The following TET2 variants were observed in gnomAD, a reference collection of about 807,000 sequenced individuals.
TET2 encodes tet methylcytosine dioxygenase 2.
Under a neutral mutation model 142.9 loss-of-function variants are expected in TET2, and 299 were observed. The ratio of observed to expected loss-of-function variants is 2.09; its 90% CI spans 1.90 to 2.30. The LOEUF (loss-of-function observed/expected upper bound fraction) is 2.30, where lower values mean the gene tolerates loss of function less well. Ranked by LOEUF, TET2 falls within the 30% of genes most tolerant of loss-of-function variation. The pLI, the probability that TET2 is intolerant of heterozygous loss-of-function variation, is 0.00. For synonymous variants in TET2, 819 were observed against 849.0 expected (o/e 0.96, Z 0.61); for missense variants, 2,418 against 2,378.0 (o/e 1.02, Z -0.35).
intron 9 of TET2, among the ~76,000 whole-genome samples, chr4:105,271,764 T>A (rs1414148960): frequency 6.6e-6 from 1 of 152,184 alleles, no homozygotes; most frequent in Non-Finnish European, 1.5e-5. Flanking sequence ...CCACAAATAA[T>A]CTTTTACCAA....
rs146523472 is a variant in TET2 at position 105,163,967 on chromosome 4, T to A, written c.-193+16988T>A. Reference sequence around the variant, plus strand: ...ATTTAAGAGATACAGTGTGATGTTTTAATATACATTGTGAAGTGATTATTA... The same window carrying A: ...ATTTAAGAGATACAGTGTGATGTTTAAATATACATTGTGAAGTGATTATTA... On this transcript the variant is annotated intron_variant, in intron 1 of 10. Coordinates refer to ENST00000380013, the MANE Select transcript of TET2 (RefSeq NM_001127208.3). Among the ~76,000 whole-genome samples, 12 of 152,178 alleles carry A rather than the reference T, an allele frequency of 7.9e-5. No individual in the cohort carries two copies. In the East Asian group the frequency reaches 2.3e-3, roughly 29 times the overall value.
In TET2 at chr4:105,162,719, C is replaced by A. The variant is rs1183627283; in HGVS notation, c.-193+15740C>A. Among the ~76,000 whole-genome samples the A allele has an allele frequency of 2.6e-5, 4 of 151,958 alleles. No individual in the cohort carries two copies. The East Asian group carries it at 7.7e-4, about 29-fold the overall frequency. ...ACAGTTGGAGCAAGAGCTGCATTTT[C>A]TTTTTTTTAAGTGTTTATTATTTAC... On this transcript the variant is annotated intron_variant, in intron 1 of 10. Transcript: ENST00000380013.
Position 105,272,513 on chromosome 4 carries a change from G to A in TET2, c.4183-51G>A, listed in dbSNP as rs1209043153. On this transcript the variant is annotated intron_variant, in intron 9 of 10. Coordinates refer to ENST00000380013, the MANE Select transcript of TET2 (RefSeq NM_001127208.3). ...GAGAAAGATACACACACACACACAC[G>A]TTTTCTTTGGGACCTGTAGTTGAGG... 19 of 1,265,354 alleles carry A rather than the reference G, an allele frequency of 1.5e-5. 1 individual carries two copies. The highest frequency in any genetic ancestry group is 2.8e-4 in the Middle Eastern group (1 of 3,604). The allele number at this position is 1,265,354 out of a possible 1,614,324, so 78.4% of individuals were successfully genotyped here.
At chr4:105,254,529 A>G (rs888437257) in intron 6 of TET2, among the ~76,000 whole-genome samples, 9 of 152,128 alleles carry the variant, frequency 5.9e-5, no homozygotes, top group Non-Finnish European at 4.4e-5. Flanking sequence ...TACCCACCTC[A>G]GCCTCCCAAG....
rs1490585886 is a variant in TET2, at chr4:105,278,557, TAATA to T, written c.*2043_*2046del. 4.3e-6 allele frequency: 1 copy of T among 231,732 alleles called. No homozygotes were observed. The highest frequency in any genetic ancestry group is 2.2e-5 in the African/African-American group (1 of 45,294). The allele number at this position is 231,732 out of a possible 1,614,324, so 14.4% of individuals were successfully genotyped here. A position where few individuals can be genotyped will look rare whatever the true frequency, so the allele number is the denominator to read the frequency against. Reference sequence around the variant, plus strand: ...GTGTTTATGTAAAATTGTTGTAGGTTAATAAATATATTCTTTGTCAGGGATTTAA... The same window carrying T: ...GTGTTTATGTAAAATTGTTGTAGGTTAATATATTCTTTGTCAGGGATTTAA... On this transcript the variant is annotated 3_prime_UTR_variant, in exon 11 of 11. Coordinates refer to ENST00000380013, the MANE Select transcript of TET2 (RefSeq NM_001127208.3).
intron 2 of TET2, among the ~76,000 whole-genome samples, chr4:105,221,205 A>G (rs566191438): frequency 2.4e-4 from 36 of 152,276 alleles, no homozygotes; most frequent in African/African-American, 8.4e-4. Context: ...AAGGCCAGGA[A>G]TAAGCCCAAA....
Position 105,148,703 on chromosome 4 carries a change from T to C in TET2, c.-193+1724T>C, listed in dbSNP as rs185444865. Reference sequence around the variant, plus strand: ...TATGTGTGCTTAATAATGTTTGGAATAGAATATAAATTTAAACACAATAAA... The same window carrying C: ...TATGTGTGCTTAATAATGTTTGGAACAGAATATAAATTTAAACACAATAAA... On this transcript the variant is annotated intron_variant, in intron 1 of 10. Coordinates refer to ENST00000380013, the MANE Select transcript of TET2 (RefSeq NM_001127208.3). 3.9e-5 allele frequency among the ~76,000 whole-genome samples: 6 copies of C among 152,308 alleles called. No individual in the cohort carries two copies. The East Asian group carries it at 1.2e-3, about 29-fold the overall frequency.
chr4:105,238,506 C>A (rs563859787), intron 3 of TET2: 23 of 247,248 alleles, frequency 9.3e-5, no homozygotes, highest in East Asian at 5.5e-4. Context: ...CCTTTGTTGT[C>A]ATTTCAGCAG....
intron 2 of TET2, among the ~76,000 whole-genome samples, chr4:105,211,132 C>G (rs569006188): frequency 1.0e-3 from 157 of 152,282 alleles, no homozygotes; most frequent in African/African-American, 3.7e-3. Context: ...GCCTTTTGTA[C>G]TTTTGTTCCC....
chr4:105,262,109 A>G (rs1730465943), intron 8 of TET2, among the ~76,000 whole-genome samples: 2 of 152,224 alleles, frequency 1.3e-5, no homozygotes, highest in African/African-American at 4.8e-5. Flanking sequence ...TCTCATATGA[A>G]TAATTTTGTT....
intron 1 of TET2, among the ~76,000 whole-genome samples, chr4:105,169,911 C>G (rs1310622682): frequency 6.7e-6 from 1 of 150,274 alleles, no homozygotes; most frequent in Non-Finnish European, 1.5e-5. Flanking sequence ...GGGTTTCTTT[C>G]TTGGTTCTCT....
intron 1 of TET2, among the ~76,000 whole-genome samples, chr4:105,148,741 T>C (rs919172649): frequency 3.3e-5 from 5 of 152,340 alleles, no homozygotes; most frequent in South Asian, 2.1e-4. Context: ...TTGATTTTTT[T>C]AAATGTTAAT....
rs1022416496 is a variant in TET2 at position 105,243,637 on chromosome 4, G to C, written c.3662G>C (p.Cys1221Ser). The change falls in exon 6 of 11, where the codon TGT becomes TCT. Residue 1221 changes from cysteine to serine, a missense_variant. By Grantham distance (112) the Cys-to-Ser change is moderately radical (BLOSUM62 -1). Coordinates refer to ENST00000380013, the MANE Select transcript of TET2 (RefSeq NM_001127208.3). The stretch of plus-strand genomic sequence containing the variant: ...GTGCGGGAGCGAGCTGGCCACACCT[G>C]TGAGGCTGCAGTGATTGTGATTCTC... ...CLVRERAGHT[C>S]EAAVIVILIL... 2 of 1,551,596 alleles carry C rather than the reference G, an allele frequency of 1.3e-6. No individual in the cohort carries two copies. The highest frequency in any genetic ancestry group is 1.7e-6 in the Non-Finnish European group (2 of 1,146,936).
intron 3 of TET2, chr4:105,240,966 G>A (rs1729263226): frequency 1.8e-6 from 2 of 1,084,118 alleles, no homozygotes; most frequent in Non-Finnish European, 1.1e-6. Flanking sequence ...GTAATAGGTA[G>A]GCTTCCAGTT....
chr4:105,196,582 A>G (rs1285976679), intron 2 of TET2, among the ~76,000 whole-genome samples: 1 of 152,084 alleles, frequency 6.6e-6, no homozygotes, highest in Admixed American at 6.6e-5. Flanking sequence ...AGATTTGTAA[A>G]TCTTTACCGT....
At chr4:105,232,269 C>T (rs879702146) in intron 2 of TET2, among the ~76,000 whole-genome samples, 11 of 152,268 alleles carry the variant, frequency 7.2e-5, no homozygotes, top group Non-Finnish European at 1.2e-4. Flanking sequence ...CTACTACTTA[C>T]GGACATTTAG....
In TET2 at chr4:105,276,282, A is replaced by G. The variant is rs2110316421; in HGVS notation, c.5772A>G (p.Lys1924=). The change falls in exon 11 of 11, where the codon AAA becomes AAG. Residue 1924 remains lysine, a synonymous_variant. Transcript: ENST00000380013. ...TTTGGGAAGCCAAAATGGCTGAAAA[A>G]GCCCGTGAGAAAGAGGAAGAGTGTG... is the stretch of plus-strand genomic sequence containing the variant. The part of the protein sequence containing the change: ...LALWEAKMAE[K]AREKEEECEK... 1 of 1,551,686 alleles carries G rather than the reference A, an allele frequency of 6.4e-7. No individual in the cohort carries two copies. The highest frequency in any genetic ancestry group is 8.7e-7 in the Non-Finnish European group (1 of 1,146,974).
At chr4:105,161,807 G>C (rs943637462) in intron 1 of TET2, among the ~76,000 whole-genome samples, 2 of 152,194 alleles carry the variant, frequency 1.3e-5, no homozygotes, top group African/African-American at 4.8e-5. Context: ...AGATGAGACT[G>C]AGTGACAGTT....
intron 2 of TET2, 85 bp from the exon 3 acceptor site, chr4:105,233,812 C>T: frequency 1.4e-6 from 1 of 705,136 alleles, no homozygotes; most frequent in Non-Finnish European, 2.2e-6. Context: ...ACAATTATTC[C>T]TTAAGATATA....
Sources: gnomAD v4.1 joint callset for allele counts (sites outside exome capture counted in the v4.1 genomes callset) on GRCh38, gnomAD v4.1.1 for gene constraint, MANE v1.5 for transcripts, NCBI Gene and HGNC (gene_info 2026-07-23, HGNC 2026-07-21) for gene names.